EGFL8: variants seen among roughly 807,000 people sequenced by gnomAD.
The protein encoded by EGFL8 is epidermal growth factor-like protein 8.
A neutral mutation model predicts 39.4 loss-of-function variants in EGFL8; 32 were observed. The observed-to-expected ratio is 0.81, with a 90% CI of 0.61 to 1.09. The LOEUF (loss-of-function observed/expected upper bound fraction) is 1.09. Among genes scored for constraint, EGFL8 ranks in the 50% least tolerant of loss-of-function variants. The pLI is 0.00. For synonymous variants in EGFL8, 177 were observed against 168.5 expected (o/e 1.05, Z -0.39); for missense variants, 385 against 402.2 (o/e 0.96, Z 0.37).
In EGFL8 at chr6:32,164,636, C is replaced by A; in HGVS notation, c.-50C>A. On this transcript the variant is annotated 5_prime_UTR_variant, in exon 1 of 9. Transcript: ENST00000333845. This position sits in a 1 kb window ranked among gnomAD's most constrained non-coding sequence, Gnocchi z 5.4. ...TCTGCTGAGGCTGGTCTGCTTGAAG[C>A]CTCCCAGGAGAAAGAAGCCAGGTGG... is the stretch of plus-strand genomic sequence containing the variant. The A allele has an allele frequency of 1.4e-6, 1 of 719,456 alleles. No individual in the cohort carries two copies. The highest frequency in any genetic ancestry group is 2.7e-5 in the East Asian group (1 of 37,658). The allele number at this position is 719,456 out of a possible 1,614,324, so 44.6% of individuals were successfully genotyped here. A position where few individuals can be genotyped will look rare whatever the true frequency, so the allele number is the denominator to read the frequency against.
Position 32,166,355 on chromosome 6 carries a change from G to GTT in EGFL8, c.101+90_101+91insTT. The GTT allele has an allele frequency of 6.3e-7, 1 of 1,591,582 alleles. No homozygotes were observed. Among genetic ancestry groups the GTT allele is most frequent in the South Asian group, 1.1e-5 (1 of 90,408 alleles). ...GCTTCACAGGAGGCAAAACATAACT[G>GTT]TAAGTTTAGAATGGGGGTGAGAGGC... On this transcript the variant is annotated intron_variant, in intron 2 of 8. Coordinates refer to ENST00000333845, the MANE Select transcript of EGFL8 (RefSeq NM_030652.4). The surrounding 1 kb of genome is among the most constrained non-coding windows in gnomAD (Gnocchi z 7.3).
rs1355453789 is a variant in EGFL8, at chr6:32,168,069, T to C, written c.*113T>C. The C allele has an allele frequency of 1.8e-6, 2 of 1,124,702 alleles. No individual in the cohort carries two copies. The highest frequency in any genetic ancestry group is 1.6e-5 in the African/African-American group (1 of 64,496). The allele number at this position is 1,124,702 out of a possible 1,614,324, so 69.7% of individuals were successfully genotyped here. A position where few individuals can be genotyped will look rare whatever the true frequency, so the allele number is the denominator to read the frequency against. On this transcript the variant is annotated 3_prime_UTR_variant, in exon 9 of 9. Transcript: ENST00000333845. The surrounding 1 kb of genome is among the most constrained non-coding windows in gnomAD (Gnocchi z 4.5). Reference sequence around the variant, plus strand: ...AAGGCTATCAGCCACCAAAGAGCAATGAACAATGGAAACTTCAGAGAGCTG... The same window carrying C: ...AAGGCTATCAGCCACCAAAGAGCAACGAACAATGGAAACTTCAGAGAGCTG...
At position 32,167,242 on chromosome 6, in the gene EGFL8, A is replaced by G; in HGVS notation, c.586A>G (p.Ile196Val). 1 of 1,612,262 alleles carries G rather than the reference A, an allele frequency of 6.2e-7. No homozygotes were observed. Among genetic ancestry groups the G allele is most frequent in the Non-Finnish European group, 8.5e-7 (1 of 1,179,576 alleles). ...GSPEPPTSAS[I>V]LSVAVREAEK... The stretch of plus-strand genomic sequence containing the variant: ...CCCAGAGCCCCCAACCAGTGCCAGC[A>G]TACTCAGCGTGGCCGGTGAGTGGGC... The change falls in exon 6 of 9, where the codon ATA (isoleucine) becomes GTA (valine). Residue 196 changes from isoleucine (I) to valine (V), a missense_variant. Ile to Val is a conservative substitution (Grantham distance 29, BLOSUM62 3). Transcript: ENST00000333845. This position sits in a 1 kb window ranked among gnomAD's most constrained non-coding sequence, Gnocchi z 6.4.
Position 32,167,617 on chromosome 6 carries a change from A to G in EGFL8, c.796A>G (p.Ser266Gly), listed in dbSNP as rs1437634770. 3 of 1,611,036 alleles carry G rather than the reference A, an allele frequency of 1.9e-6. No homozygotes were observed. The highest frequency in any genetic ancestry group is 1.7e-5 in the Admixed American group (1 of 59,964). Residue 266 changes from serine (S) to glycine (G), a missense_variant, in exon 8 of 9, where the codon AGC (serine) becomes GGC (glycine). By Grantham distance (56) the Ser-to-Gly change is moderately conservative (BLOSUM62 0). Coordinates refer to ENST00000333845, the MANE Select transcript of EGFL8 (RefSeq NM_030652.4). This position sits in a 1 kb window ranked among gnomAD's most constrained non-coding sequence, Gnocchi z 6.4. ...CCGGGGTGACCGGATCGAATCTCTCAGCGACCAGGTGCTGCTGCTGGAGGA... is the reference window on the plus strand; with the variant it reads ...CCGGGGTGACCGGATCGAATCTCTCGGCGACCAGGTGCTGCTGCTGGAGGA... ...WGRGDRIESL[S>G]DQVLLLEERL...
At position 32,166,063 on chromosome 6, in the gene EGFL8, G is replaced by A; in HGVS notation, c.-28-75G>A. 1 of 1,125,600 alleles carries A rather than the reference G, an allele frequency of 8.9e-7. No individual in the cohort carries two copies. Among genetic ancestry groups the A allele is most frequent in the Non-Finnish European group, 1.3e-6 (1 of 747,716 alleles). The allele number at this position is 1,125,600 out of a possible 1,614,324, so 69.7% of individuals were successfully genotyped here. ...CTCCCTTAGAGGGTACCTGCAGAGT[G>A]CCCTTGGAGGGACTAGTGCTGGAGA... On this transcript the variant is annotated intron_variant, in intron 1 of 8. Transcript: ENST00000333845. The surrounding 1 kb of genome is among the most constrained non-coding windows in gnomAD (Gnocchi z 7.3).
Position 32,166,387 on chromosome 6 carries a change from C to T in EGFL8, c.102-111C>T. The T allele has an allele frequency of 6.3e-7, 1 of 1,595,386 alleles. No homozygotes were observed. On this transcript the variant is annotated intron_variant, in intron 2 of 8. Transcript: ENST00000333845. This position sits in a 1 kb window ranked among gnomAD's most constrained non-coding sequence, Gnocchi z 7.3. ...TAGAATGGGGGTGAGAGGCTGTCAT[C>T]TGGAGGGAGAGCGGGGGGCCTCAGT...
Position 32,166,304 on chromosome 6 carries a change from C to T in EGFL8, c.101+38C>T, listed in dbSNP as rs1422235575. 1 of 1,608,564 alleles carries T rather than the reference C, an allele frequency of 6.2e-7. No individual in the cohort carries two copies. Among genetic ancestry groups the T allele is most frequent in the Non-Finnish European group, 8.5e-7 (1 of 1,175,936 alleles). ...GGGGTAGGGCCCGGGGTGAGCTCTT[C>T]TCAGGAGCCTTCTGCTGGGGGTGGG... On this transcript the variant is annotated intron_variant, in intron 2 of 8. Coordinates refer to ENST00000333845, the MANE Select transcript of EGFL8 (RefSeq NM_030652.4). The surrounding 1 kb of genome is among the most constrained non-coding windows in gnomAD (Gnocchi z 7.3).
Position 32,166,529 on chromosome 6 carries a change from G to A in EGFL8, c.133G>A (p.Val45Ile). 1 of 1,613,848 alleles carries A rather than the reference G, an allele frequency of 6.2e-7. No homozygotes were observed. The highest frequency in any genetic ancestry group is 8.5e-7 in the Non-Finnish European group (1 of 1,180,024). ...AGTCTGCTCCAAGCAGACACTGGTGGTCCCGCTCCACTACAACGAGTCCTA... is the reference window on the plus strand; with the variant it reads ...AGTCTGCTCCAAGCAGACACTGGTGATCCCGCTCCACTACAACGAGTCCTA... Reference protein sequence around the residue: ...QGVCSKQTLVVPLHYNESYSQ... With the variant: ...QGVCSKQTLVIPLHYNESYSQ... The change falls in exon 3 of 9, where the codon GTC becomes ATC. Residue 45 changes from valine to isoleucine, a missense_variant. Transcript: ENST00000333845. The surrounding 1 kb of genome is among the most constrained non-coding windows in gnomAD (Gnocchi z 7.3).
chr6:32,165,952 T>G, intron 1 of EGFL8, 186 bp from the exon 2 acceptor site: 9 of 610,222 alleles, frequency 1.5e-5, no homozygotes, highest in Non-Finnish European at 2.1e-5. Context: ...GAAAGGATCA[T>G]GATATGCTAA....
In EGFL8 at chr6:32,166,425, G is replaced by C; in HGVS notation, c.102-73G>C. On this transcript the variant is annotated intron_variant, in intron 2 of 8. Coordinates refer to ENST00000333845, the MANE Select transcript of EGFL8 (RefSeq NM_030652.4). The surrounding 1 kb of genome is among the most constrained non-coding windows in gnomAD (Gnocchi z 7.3). ...GGGGGGCCTCAGTAGCCTCTTGAGG[G>C]AAGTGGGACTCCTGGCTCCCCAGGG... is the stretch of plus-strand genomic sequence containing the variant. The C allele has an allele frequency of 6.2e-7, 1 of 1,610,414 alleles. No individual in the cohort carries two copies. Among genetic ancestry groups the C allele is most frequent in the Non-Finnish European group, 8.5e-7 (1 of 1,177,918 alleles).
chr6:32,166,070 G>A lies in EGFL8; in HGVS notation c.-28-68G>A. 1 of 1,256,282 alleles carries A rather than the reference G, an allele frequency of 8.0e-7. No individual in the cohort carries two copies. The highest frequency in any genetic ancestry group is 1.2e-6 in the Non-Finnish European group (1 of 863,582). The allele number at this position is 1,256,282 out of a possible 1,614,324, so 77.8% of individuals were successfully genotyped here. On this transcript the variant is annotated intron_variant, in intron 1 of 8. Coordinates refer to ENST00000333845, the MANE Select transcript of EGFL8 (RefSeq NM_030652.4). This position sits in a 1 kb window ranked among gnomAD's most constrained non-coding sequence, Gnocchi z 7.3. ...AGAGGGTACCTGCAGAGTGCCCTTG[G>A]AGGGACTAGTGCTGGAGAAATTAAT...
rs1326148466 is a variant in EGFL8, at chr6:32,167,221, G to A, written c.565G>A (p.Glu189Lys). 1.2e-6 allele frequency: 2 copies of A among 1,612,766 alleles called. No homozygotes were observed. Among genetic ancestry groups the A allele is most frequent in the Admixed American group, 3.3e-5 (2 of 60,028 alleles). Residue 189 changes from glutamate (E) to lysine (K), a missense_variant, in exon 6 of 9, where the codon GAG becomes AAG. Transcript: ENST00000333845. This position sits in a 1 kb window ranked among gnomAD's most constrained non-coding sequence, Gnocchi z 6.4. ...DGRTCMEGSP[E>K]PPTSASILSV... ...GCGCACCTGCATGGAGGGGTCCCCA[G>A]AGCCCCCAACCAGTGCCAGCATACT...
chr6:32,166,244 A>G lies in EGFL8; in HGVS notation c.79A>G (p.Lys27Glu). ...GCTACTGATACCAGGCGAGGGGGCC[A>G]AGGGTGGATCCCTCAGAGAGAGGTG... ...LLLLIPGEGA[K>E]GGSLRESQGV... The change falls in exon 2 of 9, where the codon AAG (lysine) becomes GAG (glutamate). Residue 27 changes from lysine to glutamate, a missense_variant. Coordinates refer to ENST00000333845, the MANE Select transcript of EGFL8 (RefSeq NM_030652.4). This position sits in a 1 kb window ranked among gnomAD's most constrained non-coding sequence, Gnocchi z 7.3. The G allele has an allele frequency of 1.2e-6, 2 of 1,614,054 alleles. No individual in the cohort carries two copies. Among genetic ancestry groups the G allele is most frequent in the Non-Finnish European group, 1.7e-6 (2 of 1,179,986 alleles).
In EGFL8 at chr6:32,166,758, A is replaced by G; in HGVS notation, c.282A>G (p.Ala94=). 1 of 1,581,542 alleles carries G rather than the reference A, an allele frequency of 6.3e-7. No homozygotes were observed. The highest frequency in any genetic ancestry group is 8.6e-7 in the Non-Finnish European group (1 of 1,162,014). The change falls in exon 4 of 9, where the codon GCA becomes GCG. Residue 94 remains alanine, a synonymous_variant. Coordinates refer to ENST00000333845, the MANE Select transcript of EGFL8 (RefSeq NM_030652.4). The surrounding 1 kb of genome is among the most constrained non-coding windows in gnomAD (Gnocchi z 7.3). ...EVRREVQQTH[A]VCCQGWKKRH... ...GGCGGGAGGTTCAGCAGACCCATGC[A>G]GTGTGCTGCCAGGGCTGGAAGAAGC...
At position 32,167,980 on chromosome 6, in the gene EGFL8, C is replaced by G. The variant is rs761549917; in HGVS notation, c.*24C>G. Reference sequence around the variant, plus strand: ...AAGAAGCCTCTACAGCACCCCTGCCCCCTAATTTATACAGAAACCGGACCC... The same window carrying G: ...AAGAAGCCTCTACAGCACCCCTGCCGCCTAATTTATACAGAAACCGGACCC... On this transcript the variant is annotated 3_prime_UTR_variant, in exon 9 of 9. Coordinates refer to ENST00000333845, the MANE Select transcript of EGFL8 (RefSeq NM_030652.4). This position sits in a 1 kb window ranked among gnomAD's most constrained non-coding sequence, Gnocchi z 6.4. The G allele has an allele frequency of 6.2e-7, 1 of 1,613,446 alleles. No individual in the cohort carries two copies. Among genetic ancestry groups the G allele is most frequent in the Non-Finnish European group, 8.5e-7 (1 of 1,179,504 alleles).
chr6:32,166,250 G>A lies in EGFL8; in HGVS notation c.85G>A (p.Gly29Arg), dbSNP rs1784470073. 2 of 1,614,088 alleles carry A rather than the reference G, an allele frequency of 1.2e-6. No individual in the cohort carries two copies. Among genetic ancestry groups the A allele is most frequent in the East Asian group, 4.5e-5 (2 of 44,868 alleles). ...GATACCAGGCGAGGGGGCCAAGGGT[G>A]GATCCCTCAGAGAGAGGTGACAACA... ...LLIPGEGAKG[G>R]SLRESQGVCS... Residue 29 changes from glycine to arginine, a missense_variant, in exon 2 of 9, where the codon GGA (glycine) becomes AGA (arginine). Transcript: ENST00000333845. The surrounding 1 kb of genome is among the most constrained non-coding windows in gnomAD (Gnocchi z 7.3).
chr6:32,168,249 T>C lies in EGFL8; in HGVS notation c.*293T>C. 2.3e-6 allele frequency: 1 copy of C among 432,298 alleles called. No individual in the cohort carries two copies. The highest frequency in any genetic ancestry group is 4.1e-6 in the Non-Finnish European group (1 of 241,620). 26.8% of individuals were successfully genotyped at this position (432,298 alleles called of 1,614,324 possible). Reference sequence around the variant, plus strand: ...TTTATTTTCAGTTTTTTTGCTGTTATCCAGATAATTAATAAAAACCAACCA... The same window carrying C: ...TTTATTTTCAGTTTTTTTGCTGTTACCCAGATAATTAATAAAAACCAACCA... On this transcript the variant is annotated 3_prime_UTR_variant, in exon 9 of 9. Coordinates refer to ENST00000333845, the MANE Select transcript of EGFL8 (RefSeq NM_030652.4). This position sits in a 1 kb window ranked among gnomAD's most constrained non-coding sequence, Gnocchi z 4.5.
rs767449096 is a variant in EGFL8, at chr6:32,167,793, G to A, written c.836-117G>A. 156 of 1,528,460 alleles carry A rather than the reference G, an allele frequency of 1.0e-4. No individual in the cohort carries two copies. Among genetic ancestry groups the A allele is most frequent in the Non-Finnish European group, 1.3e-4 (146 of 1,116,768 alleles). The allele number at this position is 1,528,460 out of a possible 1,614,324, so 94.7% of individuals were successfully genotyped here. A position where few individuals can be genotyped will look rare whatever the true frequency, so the allele number is the denominator to read the frequency against. ...CCTCATGCCTCTCCACTTTACCATC[G>A]TTCTCTTCTGAAATCCTGTCCCCAG... On this transcript the variant is annotated intron_variant, in intron 8 of 8. Coordinates refer to ENST00000333845, the MANE Select transcript of EGFL8 (RefSeq NM_030652.4). The surrounding 1 kb of genome is among the most constrained non-coding windows in gnomAD (Gnocchi z 6.4).
Position 32,166,381 on chromosome 6 carries a change from T to A in EGFL8, c.101+115T>A. ...TAAGTTTAGAATGGGGGTGAGAGGC[T>A]GTCATCTGGAGGGAGAGCGGGGGGC... is the stretch of plus-strand genomic sequence containing the variant. On this transcript the variant is annotated intron_variant, in intron 2 of 8. Transcript: ENST00000333845. The surrounding 1 kb of genome is among the most constrained non-coding windows in gnomAD (Gnocchi z 7.3). 1 of 1,591,026 alleles carries A rather than the reference T, an allele frequency of 6.3e-7. No homozygotes were observed. Among genetic ancestry groups the A allele is most frequent in the South Asian group, 1.1e-5 (1 of 90,214 alleles).
Sources: gnomAD v4.1 joint callset for allele counts on GRCh38, gnomAD v4.1.1 for gene constraint, Gnocchi (gnomAD v3.1) non-coding constraint, MANE v1.5 for transcripts, NCBI Gene and HGNC (gene_info 2026-07-23, HGNC 2026-07-21) for gene names.